THSD7B: variants seen among roughly 807,000 people sequenced by gnomAD.
THSD7B encodes thrombospondin type 1 domain containing 7B, also known as thrombospondin type-1 domain-containing protein 7B.
A neutral mutation model predicts 213.6 loss-of-function variants in THSD7B; 138 were observed. The ratio of observed to expected loss-of-function variants is 0.65; its 90% CI spans 0.56 to 0.74. The LOEUF (loss-of-function observed/expected upper bound fraction) is 0.74. Among genes scored for constraint, THSD7B ranks in the 30% least tolerant of loss-of-function variants. The pLI is 0.00. For synonymous variants in THSD7B, 742 were observed against 687.0 expected (o/e 1.08, Z -1.25); for missense variants, 1,931 against 1,991.5 (o/e 0.97, Z 0.58).
At chr2:137,237,899 A>G (rs1681804231) in intron 9 of THSD7B, among the ~76,000 whole-genome samples, 1 of 152,230 alleles carries the variant, frequency 6.6e-6, no homozygotes, top group Non-Finnish European at 1.5e-5. Flanking sequence ...GGCCCTTATC[A>G]AACCAAAAAT....
intron 12 of THSD7B, among the ~76,000 whole-genome samples, chr2:137,347,908 A>G (rs1376645418): frequency 6.6e-6 from 1 of 151,572 alleles, no homozygotes; most frequent in Non-Finnish European, 1.5e-5. Flanking sequence ...TGATCAAATC[A>G]CAGGAAGAAG....
intron 20 of THSD7B, among the ~76,000 whole-genome samples, chr2:137,632,465 A>C (rs966036900): frequency 2.0e-5 from 3 of 152,190 alleles, no homozygotes; most frequent in Non-Finnish European, 4.4e-5. Context: ...CAAGATTTGC[A>C]AATTCACTCT....
chr2:137,016,071 T>A (rs1686334210), intron 2 of THSD7B, among the ~76,000 whole-genome samples: 1 of 152,172 alleles, frequency 6.6e-6, no homozygotes, highest in Non-Finnish European at 1.5e-5. Context: ...GCTTACTGTA[T>A]GTCAGCCACT....
In THSD7B at chr2:137,610,400, C is replaced by T. The variant is rs570939143; in HGVS notation, c.3424-5775C>T. Among the ~76,000 whole-genome samples, 14 of 152,222 alleles carry T rather than the reference C, an allele frequency of 9.2e-5. No individual in the cohort carries two copies. In the South Asian group the frequency reaches 2.9e-3, roughly 32 times the overall value. On this transcript the variant is annotated intron_variant, in intron 17 of 27. Transcript: ENST00000409968. The stretch of plus-strand genomic sequence containing the variant: ...GGCTAGGGTAAAAAAAGCCCCAGGG[C>T]ATTAGCAGGGGCGAGTTGAAATATA...
chr2:137,563,176 G>A (rs773350903), intron 15 of THSD7B, 45 bp from the exon 16 acceptor site: 2 of 1,594,506 alleles, frequency 1.3e-6, no homozygotes, highest in Non-Finnish European at 1.7e-6. Context: ...TTTTCTATAA[G>A]TTGGATAGTT....
intron 2 of THSD7B, among the ~76,000 whole-genome samples, chr2:137,050,133 G>A (rs1460665576): frequency 6.6e-6 from 1 of 152,188 alleles, no homozygotes; most frequent in Admixed American, 6.5e-5. Flanking sequence ...ATTCTAGGAG[G>A]TTAGCAGGAT....
chr2:137,588,759 C>CATTT (rs1681799109), intron 17 of THSD7B, among the ~76,000 whole-genome samples: 1 of 141,114 alleles, frequency 7.1e-6, no homozygotes, highest in Non-Finnish European at 1.6e-5. Context: ...CTCATGTTGT[C>CATTT]CTTTATTTAT....
intron 15 of THSD7B, among the ~76,000 whole-genome samples, chr2:137,461,920 G>A (rs186065437): frequency 9.1e-4 from 139 of 152,236 alleles, no homozygotes; most frequent in Non-Finnish European, 1.2e-3. Flanking sequence ...TAAATCAACT[G>A]ATTGGTATCA....
chr2:137,069,599 G>A (rs1304339514), intron 3 of THSD7B, among the ~76,000 whole-genome samples: 2 of 151,894 alleles, frequency 1.3e-5, no homozygotes, highest in African/African-American at 4.8e-5. Flanking sequence ...CCTCATTAAG[G>A]AGTGACTGAA....
chr2:137,564,534 C>A (rs1177066837), intron 16 of THSD7B, among the ~76,000 whole-genome samples: 2 of 152,118 alleles, frequency 1.3e-5, no homozygotes, highest in African/African-American at 4.8e-5. Context: ...TTTAAAATTT[C>A]TGTCTCCTGT....
At chr2:137,620,752 TA>T in intron 20 of THSD7B, 26 bp downstream of exon 20, 5 of 1,563,000 alleles carry the variant, frequency 3.2e-6, no homozygotes, top group Non-Finnish European at 4.4e-6. Flanking sequence ...TATTTCCCAC[TA>T]ACTAGTGTAG....
intron 1 of THSD7B, among the ~76,000 whole-genome samples, chr2:136,866,712 A>G (rs1357101956): frequency 6.6e-6 from 1 of 152,184 alleles, no homozygotes; most frequent in Admixed American, 6.5e-5. Context: ...CCTACCTAAA[A>G]CCTTAGAGAT....
At chr2:137,512,692 C>T (rs1186075626) in intron 15 of THSD7B, among the ~76,000 whole-genome samples, 3 of 151,854 alleles carry the variant, frequency 2.0e-5, no homozygotes, top group African/African-American at 7.3e-5. Flanking sequence ...CCACGCTTGG[C>T]CTTATTCACT....
intron 12 of THSD7B, among the ~76,000 whole-genome samples, chr2:137,320,467 G>C (rs933915881): frequency 6.6e-6 from 1 of 152,128 alleles, no homozygotes; most frequent in African/African-American, 2.4e-5. Context: ...CTTTGGTTGA[G>C]GAAATGACAT....
At chr2:137,116,895 A>G (rs74589413) in intron 5 of THSD7B, among the ~76,000 whole-genome samples, 3,687 of 152,258 alleles carry the variant, frequency 0.024, 162 homozygotes, top group African/African-American at 0.083. Context: ...GAGGAGGAAA[A>G]TGTCTTAGGC....
chr2:137,204,846 G>GA (rs1432807539), intron 7 of THSD7B, among the ~76,000 whole-genome samples: 1 of 151,940 alleles, frequency 6.6e-6, no homozygotes. Context: ...TTATTGAAAG[G>GA]AAAAAAAGTC....
intron 2 of THSD7B, among the ~76,000 whole-genome samples, chr2:137,003,952 A>G (rs1057228216): frequency 6.6e-6 from 1 of 152,202 alleles, no homozygotes; most frequent in Non-Finnish European, 1.5e-5. Flanking sequence ...TAAAAATGTT[A>G]TAAAAACCCA....
chr2:137,308,850 A>G (rs555128790), intron 12 of THSD7B, among the ~76,000 whole-genome samples: 146 of 152,224 alleles, frequency 9.6e-4, no homozygotes, highest in African/African-American at 3.4e-3. Context: ...CACTTTGCAG[A>G]CATATCTTAA....
At chr2:137,350,575 T>C (rs1187280833) in intron 12 of THSD7B, among the ~76,000 whole-genome samples, 1 of 151,766 alleles carries the variant, frequency 6.6e-6, no homozygotes, top group Non-Finnish European at 1.5e-5. Context: ...AATAGAACCA[T>C]TGCAGAGCAT....
Sources: gnomAD v4.1 joint callset for allele counts (sites outside exome capture counted in the v4.1 genomes callset) on GRCh38, gnomAD v4.1.1 for gene constraint, MANE v1.5 for transcripts, NCBI Gene and HGNC (gene_info 2026-07-23, HGNC 2026-07-21) for gene names.